The following GAS2 variants were observed in gnomAD, a reference collection of about 807,000 sequenced individuals.
GAS2 encodes growth arrest-specific protein 2.
GAS2 carries 20 observed loss-of-function variants against 37.5 expected under a neutral mutation model. The observed-to-expected ratio is 0.53, with a 90% CI of 0.37 to 0.77. GAS2 has a LOEUF of 0.77. Ranked by LOEUF, GAS2 falls within the 30% of genes least tolerant of loss-of-function variation. GAS2 has a pLI of 0.00. For missense variants in GAS2, 336 were observed against 373.4 expected (o/e 0.90, Z 0.82); for synonymous variants, 144 against 132.2 (o/e 1.09, Z -0.61).
intron 7 of GAS2, among the ~76,000 whole-genome samples, chr11:22,757,938 C>T (rs10766966): frequency 0.34 from 52,228 of 151,898 alleles, 9,128 homozygotes; most frequent in East Asian, 0.61. Context: ...ATTTCATAGG[C>T]AGGTCACATG....
chr11:22,766,657 A>G (rs1854713269), intron 7 of GAS2, among the ~76,000 whole-genome samples: 1 of 152,220 alleles, frequency 6.6e-6, no homozygotes, highest in South Asian at 2.1e-4. Flanking sequence ...AGCCTCAATA[A>G]CAACAACAAC....
At chr11:22,764,446 G>T (rs1044655035) in intron 7 of GAS2, among the ~76,000 whole-genome samples, 2 of 151,476 alleles carry the variant, frequency 1.3e-5, no homozygotes, top group Non-Finnish European at 2.9e-5. Flanking sequence ...TGTAGTCCCC[G>T]CTACTCCGGA....
chr11:22,647,384 C>T (rs1320213872), intron 1 of GAS2, among the ~76,000 whole-genome samples: 8 of 152,100 alleles, frequency 5.3e-5, no homozygotes, highest in East Asian at 1.9e-4. Flanking sequence ...AATAAACATA[C>T]GTGTGCATGT....
intron 7 of GAS2, among the ~76,000 whole-genome samples, chr11:22,791,146 A>AATTTGAG (rs1856139162): frequency 6.6e-6 from 1 of 152,318 alleles, no homozygotes; most frequent in Admixed American, 6.5e-5. Context: ...AAAAATGGTA[A>AATTTGAG]ATTTGAGATT....
At chr11:22,643,452 T>A (rs1261277877) in intron 1 of GAS2, among the ~76,000 whole-genome samples, 1 of 127,006 alleles carries the variant, frequency 7.9e-6, no homozygotes, top group Non-Finnish European at 1.6e-5. Context: ...CTTGGACATC[T>A]GTTTTGAAAA....
At chr11:22,675,638 T>G (rs1849392225) in intron 2 of GAS2, among the ~76,000 whole-genome samples, 1 of 151,948 alleles carries the variant, frequency 6.6e-6, no homozygotes, top group South Asian at 2.1e-4. Flanking sequence ...CAGGATAAAA[T>G]TTCAACTATG....
chr11:22,773,222 C>T (rs921383074), intron 7 of GAS2, among the ~76,000 whole-genome samples: 1 of 152,072 alleles, frequency 6.6e-6, no homozygotes, highest in African/African-American at 2.4e-5. Context: ...AGTCCTCTGG[C>T]TCTTCTGACT....
At position 22,812,318 on chromosome 11, in the gene GAS2, T is replaced by C. The variant is rs189255822; in HGVS notation, c.*302T>C. ...TTAGAAACACAATTCTAACTAAAGATAAATAAGGAGAAAACATTTAGGATT... is the reference window on the plus strand; with the variant it reads ...TTAGAAACACAATTCTAACTAAAGACAAATAAGGAGAAAACATTTAGGATT... On this transcript the variant is annotated 3_prime_UTR_variant, in exon 8 of 8. Transcript: ENST00000454584. 26 of 227,506 alleles carry C rather than the reference T, an allele frequency of 1.1e-4. No homozygotes were observed. In the East Asian group the frequency reaches 2.4e-3, roughly 21 times the overall value. The allele number at this position is 227,506 out of a possible 1,614,324, so 14.1% of individuals were successfully genotyped here.
Position 22,810,998 on chromosome 11 carries a change from A to G in GAS2, c.724-800A>G, listed in dbSNP as rs1222418181. On this transcript the variant is annotated intron_variant, in intron 7 of 7. Coordinates refer to ENST00000454584, the MANE Select transcript of GAS2 (RefSeq NM_001143830.3). ...TCAGCAGGGTCTTTGATGATCATGC[A>G]ACATTACCTCTTAATATTAAATTTT... 3.3e-5 allele frequency among the ~76,000 whole-genome samples: 5 copies of G among 152,302 alleles called. No individual in the cohort carries two copies. The East Asian group carries it at 9.6e-4, about 29-fold the overall frequency.
intron 5 of GAS2, among the ~76,000 whole-genome samples, chr11:22,748,502 C>G (rs1853538125): frequency 6.6e-6 from 1 of 152,020 alleles, no homozygotes; most frequent in Admixed American, 6.6e-5. Flanking sequence ...CATTGTTACT[C>G]TAAATTATGT....
intron 1 of GAS2, among the ~76,000 whole-genome samples, chr11:22,650,533 T>A (rs1293495941): frequency 6.7e-6 from 1 of 149,368 alleles, no homozygotes; most frequent in Admixed American, 6.6e-5. Flanking sequence ...AAGTCTCCCA[T>A]TATTAATGTG....
At chr11:22,751,597 G>T (rs960509892) in intron 6 of GAS2, among the ~76,000 whole-genome samples, 1 of 151,910 alleles carries the variant, frequency 6.6e-6, no homozygotes, top group Non-Finnish European at 1.5e-5. Context: ...ACATGCTCTG[G>T]AAATGCATGC....
chr11:22,652,993 G>GTCTTCCTTTCTT lies in GAS2; in HGVS notation c.-20-21853_-20-21852insCCTTTCTTTCTT, dbSNP rs1848805744. Among the ~76,000 whole-genome samples, 4 of 97,114 alleles carry GTCTTCCTTTCTT rather than the reference G, an allele frequency of 4.1e-5. No individual in the cohort carries two copies. The South Asian group carries it at 1.4e-3, about 35-fold the overall frequency. 63.7% of individuals were successfully genotyped at this position (97,114 alleles called of 152,430 possible). ...TTTCTTTCTTTGTCTTTCTTTCTTT[G>GTCTTCCTTTCTT]TCTTTCTTTCTTTCTTTCTTTCTTT... On this transcript the variant is annotated intron_variant, in intron 1 of 5. Transcript: ENST00000528582.
At chr11:22,692,120 T>C (rs1850272750) in intron 3 of GAS2, among the ~76,000 whole-genome samples, 1 of 152,080 alleles carries the variant, frequency 6.6e-6, no homozygotes, top group Admixed American at 6.6e-5. Context: ...CAAATAAAAC[T>C]CATCACAGGA....
chr11:22,650,561 T>G (rs1848761533), intron 1 of GAS2, among the ~76,000 whole-genome samples: 1 of 147,880 alleles, frequency 6.8e-6, no homozygotes, highest in Non-Finnish European at 1.5e-5. Flanking sequence ...CTAAGTCTCT[T>G]TGTAGGTCAC....
At chr11:22,641,230 A>ATATATATATGTGTATATATATATATCTT (rs1156976837) in intron 1 of GAS2, among the ~76,000 whole-genome samples, 2 of 112,540 alleles carry the variant, frequency 1.8e-5, no homozygotes, top group Non-Finnish European at 4.0e-5. Flanking sequence ...GTGTGTGTGT[A>ATATATATATGTGTATATATATATATCTT]TATATATATG....
chr11:22,778,490 G>A (rs1296599872), intron 7 of GAS2, among the ~76,000 whole-genome samples: 1 of 152,210 alleles, frequency 6.6e-6, no homozygotes, highest in African/African-American at 2.4e-5. Context: ...GTTACTTTGG[G>A]TAAAGCTTGA....
rs182640812 is a variant in GAS2, at chr11:22,739,925, T to C, written c.473+2157T>C. Among the ~76,000 whole-genome samples the C allele has an allele frequency of 3.5e-3, 525 of 152,040 alleles. 3 individuals carry two copies. The highest frequency in any genetic ancestry group is 0.012 in the African/African-American group (487 of 41,534). On this transcript the variant is annotated intron_variant, in intron 5 of 7. Coordinates refer to ENST00000454584, the MANE Select transcript of GAS2 (RefSeq NM_001143830.3). ...TTTATAAATTTTCCTCCCATTTAAG[T>C]TTATAGCATTTGCCTTATTTCTGGA...
chr11:22,661,976 A>C (rs1848921881), upstream of GAS2, among the ~76,000 whole-genome samples: 1 of 152,200 alleles, frequency 6.6e-6, no homozygotes, highest in African/African-American at 2.4e-5. Context: ...ATCAGAGTGC[A>C]ATATAATAGT....
Sources: gnomAD v4.1 joint callset for allele counts (sites outside exome capture counted in the v4.1 genomes callset) on GRCh38, gnomAD v4.1.1 for gene constraint, MANE v1.5 for transcripts, NCBI Gene and HGNC (gene_info 2026-07-23, HGNC 2026-07-21) for gene names.